DEPTOR: variants seen among roughly 807,000 people sequenced by gnomAD.
The protein encoded by DEPTOR is DEP domain-containing mTOR-interacting protein.
A neutral mutation model predicts 41.6 loss-of-function variants in DEPTOR; 41 were observed. The observed-to-expected ratio is 0.98, with a 90% CI of 0.77 to 1.28. The LOEUF is 1.28. Among genes scored for constraint, DEPTOR ranks in the 50% most tolerant of loss-of-function variants. The probability of loss-of-function intolerance (pLI) is 0.00; values close to 1 mark genes in which losing one functional copy is unlikely to be tolerated. For synonymous variants in DEPTOR, 195 were observed against 192.3 expected (o/e 1.01, Z -0.12); for missense variants, 514 against 527.9 (o/e 0.97, Z 0.26).
chr8:120,033,872 TCC>T (rs930484691), intron 8 of DEPTOR, among the ~76,000 whole-genome samples: 1 of 152,146 alleles, frequency 6.6e-6, no homozygotes, highest in African/African-American at 2.4e-5. Context: ...CCAATCCCTG[TCC>T]CACAACTTGC....
chr8:120,019,985 G>A (rs930359557), intron 8 of DEPTOR, among the ~76,000 whole-genome samples: 1 of 151,964 alleles, frequency 6.6e-6, no homozygotes, highest in Non-Finnish European at 1.5e-5. Context: ...CCTTCACCCC[G>A]GTATCCCCCA....
At chr8:119,999,973 T>C (rs1812323370) in intron 4 of DEPTOR, among the ~76,000 whole-genome samples, 1 of 152,186 alleles carries the variant, frequency 6.6e-6, no homozygotes, top group South Asian at 2.1e-4. Flanking sequence ...AATCAGTGCA[T>C]GTAAAAGCTG....
chr8:120,000,742 C>T (rs1346385127), intron 4 of DEPTOR, among the ~76,000 whole-genome samples: 2 of 151,640 alleles, frequency 1.3e-5, no homozygotes, highest in African/African-American at 2.4e-5. Context: ...GGATTACAAG[C>T]TTGAGCCACC....
intron 4 of DEPTOR, among the ~76,000 whole-genome samples, chr8:119,988,583 A>G (rs573151846): frequency 1.3e-5 from 2 of 152,222 alleles, no homozygotes; most frequent in South Asian, 4.1e-4. Flanking sequence ...CCTAGGTTCA[A>G]GTGATTCTCC....
At chr8:120,026,308 C>T (rs76062985) in intron 8 of DEPTOR, among the ~76,000 whole-genome samples, 49 of 151,618 alleles carry the variant, frequency 3.2e-4, no homozygotes, top group Middle Eastern at 6.9e-3. Context: ...AATTGTGTTG[C>T]GTGGTCACTT....
intron 4 of DEPTOR, among the ~76,000 whole-genome samples, chr8:119,969,074 G>A (rs1355485871): frequency 1.3e-5 from 2 of 150,702 alleles, no homozygotes; most frequent in Middle Eastern, 6.9e-3. Flanking sequence ...CAGCCTGGGC[G>A]ACACAGCAAG....
At chr8:119,931,507 C>T (rs1242754901) in intron 3 of DEPTOR, among the ~76,000 whole-genome samples, 1 of 152,176 alleles carries the variant, frequency 6.6e-6, no homozygotes, top group Non-Finnish European at 1.5e-5. Flanking sequence ...TAAGACCTCA[C>T]AGATGATAGC....
rs1812445754 is a variant in DEPTOR at position 120,006,822 on chromosome 8, A to G, written c.943A>G (p.Thr315Ala). Residue 315 changes from threonine (T) to alanine (A), a missense_variant, in exon 7 of 9, where the codon ACC becomes GCC. Physicochemically the swap from Thr to Ala is moderately conservative, Grantham distance 58. Coordinates refer to ENST00000286234, the MANE Select transcript of DEPTOR (RefSeq NM_022783.4). ...TCTGCCAGTGCTGAAGAGACCTGTC[A>G]CCTCTGAGGAACTCCTTACTCCCGG... ...NPKSVLKRPVTSEELLTPGAP... is the reference protein window; with the variant it reads ...NPKSVLKRPVASEELLTPGAP... The G allele has an allele frequency of 6.2e-7, 1 of 1,614,042 alleles. No homozygotes were observed. Among genetic ancestry groups the G allele is most frequent in the Non-Finnish European group, 8.5e-7 (1 of 1,180,006 alleles).
intron 4 of DEPTOR, among the ~76,000 whole-genome samples, chr8:119,993,567 T>C (rs1157456367): frequency 6.6e-6 from 1 of 152,208 alleles, no homozygotes; most frequent in Admixed American, 6.5e-5. Context: ...TGAATCTTTG[T>C]CCTGTTTACA....
At chr8:120,021,575 A>T (rs998137635) in intron 8 of DEPTOR, among the ~76,000 whole-genome samples, 1 of 152,252 alleles carries the variant, frequency 6.6e-6, no homozygotes, top group Non-Finnish European at 1.5e-5. Flanking sequence ...TTGCAAACAA[A>T]ACACAAAGTA....
At chr8:119,889,234 G>C (rs1023652842) in intron 1 of DEPTOR, among the ~76,000 whole-genome samples, 2 of 151,602 alleles carry the variant, frequency 1.3e-5, no homozygotes, top group African/African-American at 4.9e-5. Context: ...CTAACACAAG[G>C]GAAGATAACT....
At chr8:119,967,375 C>G (rs755641385) in intron 4 of DEPTOR, among the ~76,000 whole-genome samples, 17 of 151,754 alleles carry the variant, frequency 1.1e-4, no homozygotes, top group Non-Finnish European at 2.1e-4. Flanking sequence ...CCACCATGCC[C>G]GGCTTGGAAT....
rs1210498196 is a variant in DEPTOR, at chr8:120,006,734, T to C, written c.926-71T>C. 6 of 1,391,738 alleles carry C rather than the reference T, an allele frequency of 4.3e-6. No homozygotes were observed. The African/African-American group carries it at 8.6e-5, about 20-fold the overall frequency. The allele number at this position is 1,391,738 out of a possible 1,614,324, so 86.2% of individuals were successfully genotyped here. A position where few individuals can be genotyped will look rare whatever the true frequency, so the allele number is the denominator to read the frequency against. On this transcript the variant is annotated intron_variant, in intron 6 of 8. Transcript: ENST00000286234. ...CTGATGGTCACCTACGAGATATCAA[T>C]AAATAGCTGCTGAATGCATGGATAG...
At chr8:119,965,061 G>A (rs776391564) in intron 3 of DEPTOR, among the ~76,000 whole-genome samples, 171 bp from the exon 4 acceptor site, 8 of 152,234 alleles carry the variant, frequency 5.3e-5, no homozygotes, top group African/African-American at 1.2e-4. Flanking sequence ...CAACAAGAGC[G>A]AAAATCTGTC....
intron 3 of DEPTOR, among the ~76,000 whole-genome samples, chr8:119,939,765 A>T (rs1828177419): frequency 6.6e-6 from 1 of 151,938 alleles, no homozygotes; most frequent in Admixed American, 6.6e-5. Context: ...GTGAGCCACC[A>T]CACCCGGCCA....
At chr8:119,882,596 A>T (rs1827312669) in intron 1 of DEPTOR, among the ~76,000 whole-genome samples, 1 of 151,882 alleles carries the variant, frequency 6.6e-6, no homozygotes, top group African/African-American at 2.4e-5. Flanking sequence ...TTTTGTAGAG[A>T]TGGGGTCTTG....
intron 1 of DEPTOR, among the ~76,000 whole-genome samples, chr8:119,896,233 G>GT (rs1827518468): frequency 6.6e-6 from 1 of 152,180 alleles, no homozygotes; most frequent in Admixed American, 6.6e-5. Flanking sequence ...TAATCCTGGA[G>GT]TAAGTATCAT....
chr8:119,918,801 T>A (rs980192840), intron 1 of DEPTOR, among the ~76,000 whole-genome samples: 1 of 151,906 alleles, frequency 6.6e-6, no homozygotes, highest in Non-Finnish European at 1.5e-5. Context: ...TCCATGTTGG[T>A]CAGGCTGGTC....
chr8:120,032,211 C>CTTT (rs60003356), intron 8 of DEPTOR, among the ~76,000 whole-genome samples: 26 of 120,900 alleles, frequency 2.2e-4, no homozygotes, highest in East Asian at 4.7e-4. Flanking sequence ...CACTAACTTT[C>CTTT]TTTTTTTTTT....
Sources: gnomAD v4.1 joint callset for allele counts (sites outside exome capture counted in the v4.1 genomes callset) on GRCh38, gnomAD v4.1.1 for gene constraint, MANE v1.5 for transcripts, NCBI Gene and HGNC (gene_info 2026-07-23, HGNC 2026-07-21) for gene names.